SLC4A1AP: variants seen among roughly 807,000 people sequenced by gnomAD.
SLC4A1AP encodes kanadaptin.
SLC4A1AP carries 64 observed loss-of-function variants against 89.7 expected under a neutral mutation model. The observed-to-expected ratio is 0.71, with a 90% CI of 0.58 to 0.88. SLC4A1AP has a LOEUF of 0.88. Ranked by LOEUF, SLC4A1AP falls within the 40% of genes least tolerant of loss-of-function variation. The pLI is 0.00. For missense variants in SLC4A1AP, 931 were observed against 965.0 expected, an observed-to-expected ratio of 0.96 and a Z score of 0.47; for synonymous variants, 366 against 353.3, an observed-to-expected ratio of 1.04 and a Z score of -0.40.
chr2:27,693,808 A>G, intron 13 of SLC4A1AP, 54 bp downstream of exon 13: 1 of 1,305,068 alleles, frequency 7.7e-7, no homozygotes, highest in South Asian at 1.3e-5. Flanking sequence ...ATATTTTTGA[A>G]TAGGTAATAT....
chr2:27,688,802 T>C lies in SLC4A1AP; in HGVS notation c.2271+35T>C, dbSNP rs1478448354. The C allele has an allele frequency of 2.0e-6, 3 of 1,510,348 alleles. No individual in the cohort carries two copies. The East Asian group carries it at 6.8e-5, about 34-fold the overall frequency. 93.6% of individuals were successfully genotyped at this position (1,510,348 alleles called of 1,614,324 possible). On this transcript the variant is annotated intron_variant, in intron 12 of 13. Coordinates refer to ENST00000613058, the Ensembl canonical transcript of SLC4A1AP. ...TCACTTGTCTGGGAGTAAAAATGAA[T>C]CCCTTTGTCATGGACCACATCCAGA...
intron 2 of SLC4A1AP, among the ~76,000 whole-genome samples, chr2:27,665,623 T>C (rs746224711): frequency 5.3e-5 from 8 of 152,204 alleles, no homozygotes; most frequent in Non-Finnish European, 1.2e-4. Context: ...GTGATTATCA[T>C]TGGAGGGGAT....
intron 8 of SLC4A1AP, 40 bp from the exon 9 acceptor site, chr2:27,682,208 C>A: frequency 7.5e-7 from 1 of 1,338,578 alleles, no homozygotes; most frequent in Non-Finnish European, 1.0e-6. Flanking sequence ...AACCTTGGGA[C>A]TCCCTGGAAT....
chr2:27,692,707 C>G (rs1315043703), intron 12 of SLC4A1AP: 1 of 151,974 alleles, frequency 6.6e-6, no homozygotes, highest in Non-Finnish European at 1.5e-5. Flanking sequence ...GTAATATCTT[C>G]TTGTTGGGTT....
Position 27,680,415 on chromosome 2 carries a change from TG to T in SLC4A1AP, c.1764-1832del, listed in dbSNP as rs1675600789. 2.0e-5 allele frequency among the ~76,000 whole-genome samples: 3 copies of T among 152,208 alleles called. No homozygotes were observed. The South Asian group carries it at 6.2e-4, about 31-fold the overall frequency. ...AGGTCCAAATTTACTGTAATGTAGT[TG>T]CAGTTCTAGTTCTAAATAACAAATA... On this transcript the variant is annotated intron_variant, in intron 8 of 13. Coordinates refer to ENST00000613058, the Ensembl canonical transcript of SLC4A1AP.
intron 3 of SLC4A1AP, among the ~76,000 whole-genome samples, chr2:27,668,333 G>A (rs910349380): frequency 1.3e-5 from 2 of 152,198 alleles, no homozygotes; most frequent in South Asian, 2.1e-4. Context: ...TGTATTTTTA[G>A]TAGAGACGGG....
At chr2:27,667,458 T>G (rs1675348578) in intron 3 of SLC4A1AP, 68 bp downstream of exon 3, 1 of 1,447,832 alleles carries the variant, frequency 6.9e-7, no homozygotes, top group South Asian at 1.4e-5. Flanking sequence ...TAGAGCTTCA[T>G]GTTGAGCTTT....
At chr2:27,679,637 A>G (rs566890634) in intron 8 of SLC4A1AP, among the ~76,000 whole-genome samples, 4 of 152,132 alleles carry the variant, frequency 2.6e-5, no homozygotes, top group African/African-American at 9.6e-5. Flanking sequence ...GATATACAAT[A>G]GAACACCATA....
At chr2:27,678,097 T>C (rs1675554253) in intron 8 of SLC4A1AP, among the ~76,000 whole-genome samples, 173 bp downstream of exon 8, 1 of 152,216 alleles carries the variant, frequency 6.6e-6, no homozygotes, top group Admixed American at 6.5e-5. Context: ...TGTTTCATAT[T>C]TGTGAAATAT....
At chr2:27,677,160 C>T (rs2148135323) in intron 6 of SLC4A1AP, 135 bp from the exon 7 acceptor site, 1 of 696,696 alleles carries the variant, frequency 1.4e-6, no homozygotes, top group East Asian at 2.5e-5. Flanking sequence ...AAAGTGTTAA[C>T]TCCATAAGTA....
At chr2:27,664,348 T>G (rs1477343944) in exon 1 of SLC4A1AP, 4 of 1,614,054 alleles carry the variant, frequency 2.5e-6, no homozygotes, top group Non-Finnish European at 3.4e-6. Context: ...GGCTGCGACG[T>G]GTGCCTGGAG....
chr2:27,688,038 C>G lies in SLC4A1AP; in HGVS notation c.2203+18C>G, dbSNP rs756466845. On this transcript the variant is annotated intron_variant, in intron 11 of 13. Coordinates refer to ENST00000613058, the Ensembl canonical transcript of SLC4A1AP. ...ACCCTCAGGCAAGTAGTACGGCAGC[C>G]TTCATTGCTGCTCTGCACACAGGTG... The G allele has an allele frequency of 1.3e-6, 2 of 1,575,914 alleles. No individual in the cohort carries two copies. Among genetic ancestry groups the G allele is most frequent in the Admixed American group, 1.7e-5 (1 of 59,522 alleles).
chr2:27,666,356 C>A (rs1444480006), intron 2 of SLC4A1AP, among the ~76,000 whole-genome samples: 5 of 13,860 alleles, frequency 3.6e-4, no homozygotes, highest in East Asian at 4.5e-3. Context: ...TGATCCACCC[C>A]CCACCCCCCC....
chr2:27,688,877 C>A (rs1183811653), intron 12 of SLC4A1AP, 110 bp downstream of exon 12: 1 of 714,656 alleles, frequency 1.4e-6, no homozygotes. Flanking sequence ...CAGCCTTATT[C>A]CCCTCTCCTA....
At chr2:27,669,801 C>T (rs1675391866) in intron 5 of SLC4A1AP, among the ~76,000 whole-genome samples, 1 of 152,140 alleles carries the variant, frequency 6.6e-6, no homozygotes, top group Admixed American at 6.5e-5. Flanking sequence ...AGCCATCCTC[C>T]TGCCTCAGCT....
chr2:27,670,889 A>AAAAACAAC (rs1675416298), intron 5 of SLC4A1AP, among the ~76,000 whole-genome samples: 2 of 151,500 alleles, frequency 1.3e-5, no homozygotes, highest in South Asian at 4.2e-4. Context: ...AAATTTAAAA[A>AAAAACAAC]AAAACAACAA....
exon 1 of SLC4A1AP, chr2:27,664,019 C>T (rs367712939): frequency 3.0e-5 from 49 of 1,614,102 alleles, no homozygotes; most frequent in Non-Finnish European, 4.0e-5. Flanking sequence ...GGAGTAAGGC[C>T]CCGGCCAGCA....
At chr2:27,672,765 G>A (rs1675447139) in intron 5 of SLC4A1AP, among the ~76,000 whole-genome samples, 1 of 152,102 alleles carries the variant, frequency 6.6e-6, no homozygotes, top group Non-Finnish European at 1.5e-5. Flanking sequence ...AATGATGTGG[G>A]TGGGCCTTTT....
At chr2:27,692,806 A>C (rs1483432433) in intron 12 of SLC4A1AP, 1 of 152,134 alleles carries the variant, frequency 6.6e-6, no homozygotes, top group Non-Finnish European at 1.5e-5. Flanking sequence ...AAGAAAAGCT[A>C]CTGCTGCTTG....
Sources: allele counts gnomAD v4.1 joint callset (sites outside exome capture counted in the v4.1 genomes callset), GRCh38; gene constraint gnomAD v4.1.1; transcripts MANE v1.5; gene names NCBI Gene and HGNC (gene_info 2026-07-23, HGNC 2026-07-21).